The following CDK13 variants were observed in gnomAD, a reference collection of about 807,000 sequenced individuals.
CDK13 encodes cyclin-dependent kinase 13.
CDK13 carries 40 observed loss-of-function variants against 137.6 expected under a neutral mutation model. The observed-to-expected ratio is 0.29, with a 90% CI of 0.23 to 0.38. CDK13 has a LOEUF of 0.38. Ranked by LOEUF, CDK13 falls within the 10% of genes least tolerant of loss-of-function variation. The probability of loss-of-function intolerance (pLI) is 1.00; values close to 1 mark genes in which losing one functional copy is unlikely to be tolerated. For missense variants in CDK13, 1,704 were observed against 1,951.8 expected, an observed-to-expected ratio of 0.87 and a Z score of 2.39; for synonymous variants, 869 against 760.1, an observed-to-expected ratio of 1.14 and a Z score of -2.36.
chr7:40,016,342 G>A (rs996942125), intron 5 of CDK13, among the ~76,000 whole-genome samples: 1 of 152,102 alleles, frequency 6.6e-6, no homozygotes, highest in African/African-American at 2.4e-5. Flanking sequence ...TACTTTTTGG[G>A]TTGTTGTGAG....
At chr7:39,997,343 A>G (rs2116309229) in intron 2 of CDK13, 151 bp from the exon 3 acceptor site, 1 of 657,200 alleles carries the variant, frequency 1.5e-6, no homozygotes, top group East Asian at 2.9e-5. Context: ...ATAGTGTATT[A>G]CTTTAGCTGG....
chr7:40,051,551 T>A (rs931950156), intron 7 of CDK13, among the ~76,000 whole-genome samples: 1 of 152,214 alleles, frequency 6.6e-6, no homozygotes, highest in Non-Finnish European at 1.5e-5. Context: ...AAAGTCACTT[T>A]GAAGTGTTTT....
At chr7:40,042,169 T>C (rs1785620892) in intron 5 of CDK13, among the ~76,000 whole-genome samples, 1 of 152,028 alleles carries the variant, frequency 6.6e-6, no homozygotes, top group Non-Finnish European at 1.5e-5. Flanking sequence ...AACCTCCGCC[T>C]CTCGGGTTCA....
At chr7:40,067,938 T>C (rs1786317648) in intron 9 of CDK13, 1 of 151,964 alleles carries the variant, frequency 6.6e-6, no homozygotes, top group African/African-American at 2.4e-5. Context: ...CTACTAAAAA[T>C]ACAAAAACTA....
At chr7:40,068,822 A>C (rs765201254) in intron 9 of CDK13, among the ~76,000 whole-genome samples, 4 of 152,170 alleles carry the variant, frequency 2.6e-5, no homozygotes, top group Non-Finnish European at 5.9e-5. Context: ...TAGGTAAAAC[A>C]AAAGACTCAA....
intron 5 of CDK13, among the ~76,000 whole-genome samples, chr7:40,018,361 G>A (rs192184162): frequency 3.4e-4 from 52 of 151,210 alleles, no homozygotes; most frequent in African/African-American, 1.1e-3. Context: ...AAAATATAAT[G>A]TGTTCTTTAA....
At chr7:40,026,401 T>TG (rs1180915215) in intron 5 of CDK13, among the ~76,000 whole-genome samples, 2 of 152,074 alleles carry the variant, frequency 1.3e-5, no homozygotes, top group Admixed American at 6.6e-5. Flanking sequence ...CCCAGCTACT[T>TG]GGGGGGCTGA....
intron 5 of CDK13, among the ~76,000 whole-genome samples, chr7:40,026,978 C>T (rs1785256070): frequency 6.6e-6 from 1 of 151,784 alleles, no homozygotes; most frequent in Non-Finnish European, 1.5e-5. Flanking sequence ...ATAATGCTAA[C>T]CGTGTATGTA....
At position 39,951,452 on chromosome 7, in the gene CDK13, C is replaced by T; in HGVS notation, c.811C>T (p.Arg271Cys). 2 of 1,538,652 alleles carry T rather than the reference C, an allele frequency of 1.3e-6. No homozygotes were observed. The highest frequency in any genetic ancestry group is 8.7e-7 in the Non-Finnish European group (1 of 1,143,270). The change falls in exon 1 of 14, where the codon CGC (arginine) becomes TGC (cysteine). Residue 271 changes from arginine (R) to cysteine (C), a missense_variant. By Grantham distance (180) the Arg-to-Cys change is radical. This residue lies in a region of CDK13 where 1,051 missense variants were observed against 931.0 expected (regional missense o/e 1.13). Transcript: ENST00000181839. ...GGCCACATCCAGCAGCAGTAGCAGC[C>T]GCAAGGACCGGGACTCGAAGGCCCA... ...ASATSSSSSS[R>C]KDRDSKAHRS... is the part of the protein sequence containing the mutation.
intron 5 of CDK13, 114 bp downstream of exon 5, chr7:40,002,145 CG>C: frequency 6.4e-6 from 4 of 623,442 alleles, no homozygotes; most frequent in Non-Finnish European, 1.1e-5. Flanking sequence ...TTGCTCTAAT[CG>C]TGAAACTATA....
chr7:40,075,304 C>G (rs1440956003), intron 9 of CDK13, among the ~76,000 whole-genome samples: 1 of 152,082 alleles, frequency 6.6e-6, no homozygotes, highest in Non-Finnish European at 1.5e-5. Flanking sequence ...TTTGTAAATG[C>G]AGTTATCAGT....
At chr7:40,011,410 A>G (rs929298503) in intron 5 of CDK13, among the ~76,000 whole-genome samples, 7 of 152,218 alleles carry the variant, frequency 4.6e-5, no homozygotes, top group African/African-American at 1.4e-4. Context: ...AGAGTGCTCA[A>G]GATTGTGTGG....
At chr7:40,078,931 A>T (rs1286845900) in intron 11 of CDK13, 80 bp downstream of exon 11, 1 of 473,710 alleles carries the variant, frequency 2.1e-6, no homozygotes, top group African/African-American at 2.1e-5. Flanking sequence ...AACATATATA[A>T]TAAGATATTT....
intron 5 of CDK13, among the ~76,000 whole-genome samples, chr7:40,010,512 C>T (rs529221857): frequency 8.5e-5 from 13 of 152,186 alleles, no homozygotes; most frequent in South Asian, 6.2e-4. Context: ...GGGGAAACCC[C>T]GTCTCTACTA....
At chr7:40,014,056 G>GTTTTT (rs1431672361) in intron 5 of CDK13, among the ~76,000 whole-genome samples, 1 of 105,450 alleles carries the variant, frequency 9.5e-6, no homozygotes, top group African/African-American at 3.8e-5. Context: ...ATGCTGTCTT[G>GTTTTT]TCTTTTTTTT....
chr7:40,063,314 T>A (rs185495422), intron 9 of CDK13, among the ~76,000 whole-genome samples: 12 of 152,252 alleles, frequency 7.9e-5, no homozygotes, highest in African/African-American at 2.9e-4. Flanking sequence ...GGTGCATGTG[T>A]ATGTGTACAT....
chr7:39,979,462 C>T (rs957581697), intron 1 of CDK13, among the ~76,000 whole-genome samples: 2 of 152,066 alleles, frequency 1.3e-5, no homozygotes, highest in African/African-American at 4.8e-5. Flanking sequence ...GTGATCTGCC[C>T]ATCTCGGCTT....
intron 5 of CDK13, among the ~76,000 whole-genome samples, chr7:40,005,924 C>T (rs2116345551): frequency 6.6e-6 from 1 of 152,128 alleles, no homozygotes; most frequent in South Asian, 2.1e-4. Flanking sequence ...TGAGGCTTGT[C>T]ATGTTCCCCA....
intron 4 of CDK13, among the ~76,000 whole-genome samples, chr7:40,000,249 G>C (rs1281987572): frequency 6.6e-6 from 1 of 152,138 alleles, no homozygotes; most frequent in Non-Finnish European, 1.5e-5. Flanking sequence ...AGTGGCACAT[G>C]CCTGTAAACC....
Sources: gnomAD v4.1 joint callset for allele counts (sites outside exome capture counted in the v4.1 genomes callset) on GRCh38, gnomAD v4.1.1 for gene constraint, gnomAD v4.1.1 regional missense constraint, MANE v1.5 for transcripts, NCBI Gene and HGNC (gene_info 2026-07-23, HGNC 2026-07-21) for gene names.